KHDRBS3: variants seen among roughly 807,000 people sequenced by gnomAD.
KHDRBS3 encodes KH RNA binding domain containing, signal transduction associated 3.
A neutral mutation model predicts 45.6 loss-of-function variants in KHDRBS3; 23 were observed. The observed-to-expected ratio is 0.50, with a 90% CI of 0.36 to 0.72. The LOEUF is 0.72. Among genes scored for constraint, KHDRBS3 ranks in the 30% least tolerant of loss-of-function variants. KHDRBS3 has a pLI of 0.00. For synonymous variants in KHDRBS3, 162 were observed against 156.5 expected, an observed-to-expected ratio of 1.04 and a Z score of -0.26; for missense variants, 352 against 424.8, an observed-to-expected ratio of 0.83 and a Z score of 1.51.
At chr8:135,459,142 G>A (rs1821291573) in intron 1 of KHDRBS3, among the ~76,000 whole-genome samples, 1 of 152,094 alleles carries the variant, frequency 6.6e-6, no homozygotes, top group South Asian at 2.1e-4. Context: ...TTTTATTGTT[G>A]GAAGTGAAAG....
At chr8:135,612,824 A>C (rs1434690285) in intron 7 of KHDRBS3, among the ~76,000 whole-genome samples, 1 of 151,888 alleles carries the variant, frequency 6.6e-6, no homozygotes. Flanking sequence ...ACCCGTGGCC[A>C]GTCCAGATTG....
chr8:135,552,222 C>A (rs1354242651), intron 4 of KHDRBS3, among the ~76,000 whole-genome samples: 1 of 151,534 alleles, frequency 6.6e-6, no homozygotes, highest in Non-Finnish European at 1.5e-5. Context: ...GTCTTTCTAC[C>A]CCCCACCACA....
At chr8:135,582,798 C>T (rs753410348) in intron 6 of KHDRBS3, among the ~76,000 whole-genome samples, 6 of 152,164 alleles carry the variant, frequency 3.9e-5, no homozygotes, top group African/African-American at 7.2e-5. Flanking sequence ...ATGCAAGTAT[C>T]AGTAGGTTTT....
intron 7 of KHDRBS3, among the ~76,000 whole-genome samples, chr8:135,630,604 T>C (rs1830556789): frequency 6.6e-6 from 1 of 151,648 alleles, no homozygotes; most frequent in Non-Finnish European, 1.5e-5. Flanking sequence ...TACTCAAACC[T>C]AGATGGGATA....
chr8:135,458,465 G>A (rs1361870309), intron 1 of KHDRBS3: 3 of 244,050 alleles, frequency 1.2e-5, no homozygotes, highest in Non-Finnish European at 2.4e-5. Context: ...GAGGGTTGGG[G>A]TCAGACCCCA....
At chr8:135,501,539 A>T (rs1341984259) in intron 1 of KHDRBS3, among the ~76,000 whole-genome samples, 3 of 152,238 alleles carry the variant, frequency 2.0e-5, no homozygotes, top group South Asian at 2.1e-4. Flanking sequence ...AACACGAATT[A>T]ATTCAACAGA....
chr8:135,492,504 C>CAT (rs1447032732), intron 1 of KHDRBS3, among the ~76,000 whole-genome samples: 53 of 98,698 alleles, frequency 5.4e-4, no homozygotes, highest in Middle Eastern at 0.011. Context: ...CATTAGTTTA[C>CAT]ATATATATAT....
intron 1 of KHDRBS3, among the ~76,000 whole-genome samples, chr8:135,463,526 T>C (rs2130111752): frequency 6.6e-6 from 1 of 152,330 alleles, no homozygotes; most frequent in East Asian, 1.9e-4. Context: ...CTGCTTTGAA[T>C]CAGATGTTTA....
chr8:135,513,906 G>T, intron 1 of KHDRBS3, among the ~76,000 whole-genome samples: 1 of 151,170 alleles, frequency 6.6e-6, no homozygotes. Context: ...GATTGCTTCT[G>T]TTTGACTCCT....
intron 6 of KHDRBS3, among the ~76,000 whole-genome samples, chr8:135,584,586 C>T (rs746823435): frequency 6.6e-6 from 1 of 152,212 alleles, no homozygotes; most frequent in Non-Finnish European, 1.5e-5. Flanking sequence ...TGCCTTGGCA[C>T]AGTTATAGTA....
chr8:135,630,233 G>A (rs1830537406), intron 7 of KHDRBS3, among the ~76,000 whole-genome samples: 1 of 152,162 alleles, frequency 6.6e-6, no homozygotes, highest in Non-Finnish European at 1.5e-5. Flanking sequence ...GGTGGTCTGG[G>A]TTTCAGCAGA....
chr8:135,631,009 G>A (rs1408293301), intron 7 of KHDRBS3, among the ~76,000 whole-genome samples: 1 of 152,082 alleles, frequency 6.6e-6, no homozygotes, highest in African/African-American at 2.4e-5. Flanking sequence ...AGCACTTTGG[G>A]AGGCCAAGGC....
At chr8:135,508,133 G>A (rs1824100698) in intron 1 of KHDRBS3, among the ~76,000 whole-genome samples, 1 of 152,150 alleles carries the variant, frequency 6.6e-6, no homozygotes, top group South Asian at 2.1e-4. Flanking sequence ...AGAAACTGAT[G>A]TAAAAATGTA....
intron 8 of KHDRBS3, 109 bp downstream of exon 8, chr8:135,645,226 G>A (rs1022923961): frequency 8.5e-6 from 9 of 1,052,970 alleles, no homozygotes; most frequent in Non-Finnish European, 1.0e-5. Context: ...TGAAACAGCA[G>A]CTTCCTGTCA....
chr8:135,589,182 G>T (rs1828624674), intron 6 of KHDRBS3, among the ~76,000 whole-genome samples: 2 of 152,176 alleles, frequency 1.3e-5, no homozygotes, highest in African/African-American at 2.4e-5. Context: ...GACAGAGGTT[G>T]CCATAGCCTC....
chr8:135,639,883 C>T (rs1404990911), intron 7 of KHDRBS3, among the ~76,000 whole-genome samples: 2 of 152,198 alleles, frequency 1.3e-5, no homozygotes. Context: ...CCACCAGGCC[C>T]CACCTCCAAC....
At chr8:135,642,538 T>C (rs1474008354) in intron 7 of KHDRBS3, among the ~76,000 whole-genome samples, 1 of 152,202 alleles carries the variant, frequency 6.6e-6, no homozygotes, top group African/African-American at 2.4e-5. Context: ...TGTACCTCTG[T>C]GGAAAAATTG....
At chr8:135,655,813 G>A (rs112278663) in intron 4 of KHDRBS3, among the ~76,000 whole-genome samples, 35 of 152,250 alleles carry the variant, frequency 2.3e-4, no homozygotes, top group Admixed American at 4.6e-4. Flanking sequence ...ATCAAAATAG[G>A]TTCTTTGGGG....
intron 7 of KHDRBS3, among the ~76,000 whole-genome samples, chr8:135,629,985 G>A (rs574619691): frequency 6.6e-6 from 1 of 152,312 alleles, no homozygotes; most frequent in Admixed American, 6.5e-5. Context: ...TTCTGCTGCT[G>A]GACCCTGTCA....
Sources: gnomAD v4.1 joint callset for allele counts (sites outside exome capture counted in the v4.1 genomes callset) on GRCh38, gnomAD v4.1.1 for gene constraint, MANE v1.5 for transcripts, NCBI Gene and HGNC (gene_info 2026-07-23, HGNC 2026-07-21) for gene names.